The following CPEB1 variants were observed in gnomAD, a reference collection of about 807,000 sequenced individuals.
CPEB1 encodes cytoplasmic polyadenylation element binding protein 1, also known as cytoplasmic polyadenylation element-binding protein 1.
In CPEB1, 7 loss-of-function variants were observed where a neutral mutation model predicts 65.8. The ratio of observed to expected loss-of-function variants is 0.11; its 90% confidence interval spans 0.06 to 0.20. The LOEUF (loss-of-function observed/expected upper bound fraction) is 0.20, where lower values mean the gene tolerates loss of function less well. CPEB1 is among the 10% of genes least tolerant of loss of function. The pLI is 1.00. For synonymous variants in CPEB1, 262 were observed against 260.0 expected, an observed-to-expected ratio of 1.01 and a Z score of -0.08; for missense variants, 551 against 712.2, an observed-to-expected ratio of 0.77 and a Z score of 2.58.
chr15:82,633,519 T>G (rs1334320885), intron 1 of CPEB1, among the ~76,000 whole-genome samples: 1 of 152,212 alleles, frequency 6.6e-6, no homozygotes, highest in Non-Finnish European at 1.5e-5. Flanking sequence ...ATTACAGGCA[T>G]GTGCCACCAC....
chr15:82,582,336 T>C (rs886267579), intron 3 of CPEB1, among the ~76,000 whole-genome samples: 3 of 152,298 alleles, frequency 2.0e-5, no homozygotes, highest in Non-Finnish European at 2.9e-5. Context: ...AACTACTGCA[T>C]GCAGGATAAA....
At chr15:82,625,141 A>G (rs1019393686) in intron 3 of CPEB1, among the ~76,000 whole-genome samples, 1 of 152,178 alleles carries the variant, frequency 6.6e-6, no homozygotes, top group African/African-American at 2.4e-5. Context: ...ACTGGGACAT[A>G]ATACATGCAA....
chr15:82,627,875 C>T (rs1354346301), intron 2 of CPEB1, among the ~76,000 whole-genome samples: 1 of 152,140 alleles, frequency 6.6e-6, no homozygotes, highest in Non-Finnish European at 1.5e-5. Flanking sequence ...TATTAAAACA[C>T]TTAATGAGTG....
intron 3 of CPEB1, among the ~76,000 whole-genome samples, chr15:82,580,005 A>G (rs903971014): frequency 6.8e-6 from 1 of 146,774 alleles, no homozygotes; most frequent in Non-Finnish European, 1.5e-5. Flanking sequence ...CAGCGGGAGA[A>G]GTGGACTACA....
chr15:82,599,457 G>C (rs749377247), intron 3 of CPEB1, among the ~76,000 whole-genome samples: 9 of 151,974 alleles, frequency 5.9e-5, no homozygotes, highest in East Asian at 1.9e-4. Context: ...TAACAATAAA[G>C]AGGGACATCA....
intron 3 of CPEB1, among the ~76,000 whole-genome samples, chr15:82,600,652 G>A (rs781189229): frequency 2.6e-5 from 4 of 152,102 alleles, no homozygotes; most frequent in Non-Finnish European, 5.9e-5. Flanking sequence ...TTTCTTAGAC[G>A]CTAGTAAGTC....
chr15:82,558,427 A>C (rs1251775021), intron 4 of CPEB1, among the ~76,000 whole-genome samples: 1 of 152,212 alleles, frequency 6.6e-6, no homozygotes, highest in East Asian at 1.9e-4. Flanking sequence ...TATAATATAG[A>C]ATTTCAGGCC....
intron 1 of CPEB1, chr15:82,633,165 T>C (rs1178591312): frequency 6.6e-6 from 1 of 152,126 alleles, no homozygotes; most frequent in Non-Finnish European, 1.5e-5. Context: ...CTTAATAGAG[T>C]GCAAACCTTA....
intron 3 of CPEB1, among the ~76,000 whole-genome samples, chr15:82,610,117 T>A (rs553319284): frequency 2.7e-5 from 4 of 145,772 alleles, no homozygotes; most frequent in African/African-American, 5.1e-5. Flanking sequence ...TTAGAAAACA[T>A]AGGTGAAATA....
At chr15:82,594,981 C>T (rs998828940) in intron 3 of CPEB1, among the ~76,000 whole-genome samples, 1 of 152,052 alleles carries the variant, frequency 6.6e-6, no homozygotes, top group African/African-American at 2.4e-5. Flanking sequence ...AAAACAATTA[C>T]AATAGCAGCA....
At chr15:82,546,706 G>A (rs76467663) in intron 11 of CPEB1, among the ~76,000 whole-genome samples, 185 bp from the exon 12 acceptor site, 3,669 of 152,248 alleles carry the variant, frequency 0.024, 68 homozygotes, top group Non-Finnish European at 0.037. Context: ...GAGTTCTAGA[G>A]GACAGACTCA....
chr15:82,560,613 G>A (rs1314249428), intron 4 of CPEB1, among the ~76,000 whole-genome samples: 1 of 152,002 alleles, frequency 6.6e-6, no homozygotes, highest in African/African-American at 2.4e-5. Context: ...GGCTGGTCTC[G>A]AACTCCTGAG....
chr15:82,639,843 G>A (rs907275646), intron 1 of CPEB1, among the ~76,000 whole-genome samples: 3 of 147,670 alleles, frequency 2.0e-5, no homozygotes, highest in African/African-American at 7.9e-5. Flanking sequence ...ACACACACGC[G>A]CAAACACTCT....
chr15:82,604,430 C>G (rs1260914231), intron 3 of CPEB1, among the ~76,000 whole-genome samples: 1 of 149,346 alleles, frequency 6.7e-6, no homozygotes, highest in Non-Finnish European at 1.5e-5. Flanking sequence ...TGCAGTGAGC[C>G]GAGATTGATC....
Position 82,616,376 on chromosome 15 carries a change from G to A in CPEB1, c.271+10817C>T, listed in dbSNP as rs150277286. On this transcript the variant is annotated intron_variant, in intron 3 of 12. Coordinates refer to ENST00000684509, the MANE Select transcript of CPEB1 (RefSeq NM_001365242.1). Reference sequence around the variant, plus strand: ...TGGGAAGGAAATATACCAACTTCAGGAGAGTTATCTCTAGGAAAATGAGGA... The same window carrying A: ...TGGGAAGGAAATATACCAACTTCAGAAGAGTTATCTCTAGGAAAATGAGGA... Among the ~76,000 whole-genome samples the A allele has an allele frequency of 3.8e-3, 585 of 152,142 alleles. 3 individuals carry two copies. Among genetic ancestry groups the A allele is most frequent in the Non-Finnish European group, 6.0e-3 (409 of 68,010 alleles).
rs7175942 is a variant in CPEB1 at position 82,614,344 on chromosome 15, G to A, written c.271+12849C>T. ...CTTGACCTGGGTAGTGGTTATGTGG[G>A]TGTCTGCTGTATAACTGATTAAAAT... is the stretch of plus-strand genomic sequence containing the variant. On this transcript the variant is annotated intron_variant, in intron 3 of 12. Coordinates refer to ENST00000684509, the MANE Select transcript of CPEB1 (RefSeq NM_001365242.1). Among the ~76,000 whole-genome samples the A allele has an allele frequency of 8.9e-3, 1,358 of 152,256 alleles. 24 individuals are homozygous for A. The highest frequency in any genetic ancestry group is 0.031 in the African/African-American group (1,296 of 41,544).
At chr15:82,597,242 A>G (rs1417761199) in intron 3 of CPEB1, among the ~76,000 whole-genome samples, 2 of 152,202 alleles carry the variant, frequency 1.3e-5, no homozygotes, top group East Asian at 1.9e-4. Context: ...GGGAGGATCA[A>G]TTGGGCCTGG....
chr15:82,581,756 G>A (rs759074349), intron 3 of CPEB1, among the ~76,000 whole-genome samples: 8 of 152,068 alleles, frequency 5.3e-5, no homozygotes, highest in Admixed American at 3.9e-4. Flanking sequence ...AAATCTCCCC[G>A]ACACCAGGTT....
intron 1 of CPEB1, chr15:82,637,971 A>C (rs1166764360): frequency 2.2e-5 from 10 of 453,200 alleles, no homozygotes; most frequent in Non-Finnish European, 3.1e-5. Flanking sequence ...TCCAAGACAA[A>C]AAAAATTTAT....
Sources: allele counts gnomAD v4.1 joint callset (sites outside exome capture counted in the v4.1 genomes callset), GRCh38; gene constraint gnomAD v4.1.1; transcripts MANE v1.5; gene names NCBI Gene and HGNC (gene_info 2026-07-23, HGNC 2026-07-21).